The following KLF17 variants were observed in gnomAD, a reference collection of about 807,000 sequenced individuals.
The protein encoded by KLF17 is KLF transcription factor 17, also known as Krueppel-like factor 17.
KLF17 carries 31 observed loss-of-function variants against 34.2 expected under a neutral mutation model. That is an observed-to-expected ratio of 0.91 (90% CI 0.68 to 1.22). The LOEUF (loss-of-function observed/expected upper bound fraction) is 1.22, where lower values mean the gene tolerates loss of function less well. Ranked by LOEUF, KLF17 falls within the 50% of genes most tolerant of loss-of-function variation. KLF17 has a pLI of 0.00. For missense variants in KLF17, 478 were observed against 505.2 expected (o/e 0.95, Z 0.52); for synonymous variants, 179 against 186.7 (o/e 0.96, Z 0.34).
the KLF17 span, among the ~76,000 whole-genome samples, chr1:44,062,715 C>CA: frequency 0.035 from 4,117 of 118,638 alleles, 67 homozygotes; most frequent in Middle Eastern, 0.054. Flanking sequence ...GAACCTGTCT[C>CA]AAAAAAAAAA....
the KLF17 span, among the ~76,000 whole-genome samples, chr1:44,105,990 C>A: frequency 6.6e-6 from 1 of 151,846 alleles, no homozygotes; most frequent in African/African-American, 2.4e-5. Context: ...ATAGTGAGAT[C>A]CCATCTCAGG....
At chr1:44,096,030 C>T in the KLF17 span, among the ~76,000 whole-genome samples, 2 of 151,904 alleles carry the variant, frequency 1.3e-5, no homozygotes, top group Non-Finnish European at 2.9e-5. Context: ...CAACCTCTGC[C>T]CCCCAGGTTC....
At chr1:44,055,055 A>G in the KLF17 span, among the ~76,000 whole-genome samples, 1 of 152,168 alleles carries the variant, frequency 6.6e-6, no homozygotes, top group African/African-American at 2.4e-5. Context: ...CTGGGATTAC[A>G]GGTATAAGCC....
chr1:44,104,214 G>C, the KLF17 span: 3 of 1,097,184 alleles, frequency 2.7e-6, no homozygotes, highest in South Asian at 1.2e-5. Flanking sequence ...CTCCATCTCT[G>C]TACGCTTATT....
chr1:44,121,156 G>A (rs528174511), intron 1 of KLF17, among the ~76,000 whole-genome samples: 1 of 152,044 alleles, frequency 6.6e-6, no homozygotes, highest in African/African-American at 2.4e-5. Context: ...TGGTGCTGTT[G>A]TCCAGGCTGG....
At chr1:44,092,656 A>G in the KLF17 span, among the ~76,000 whole-genome samples, 1,204 of 151,284 alleles carry the variant, frequency 8.0e-3, 24 homozygotes, top group African/African-American at 0.028. Context: ...TTCCTTTGAG[A>G]CAGGGTCTCA....
At chr1:44,093,259 C>G in the KLF17 span, among the ~76,000 whole-genome samples, 1 of 152,142 alleles carries the variant, frequency 6.6e-6, no homozygotes, top group Non-Finnish European at 1.5e-5. Context: ...GGGGAAAATA[C>G]ACATGTGGGC....
intron 1 of KLF17, among the ~76,000 whole-genome samples, chr1:44,124,494 A>ACT (rs1156551487): frequency 1.3e-5 from 1 of 76,978 alleles, no homozygotes; most frequent in African/African-American, 7.9e-5. Flanking sequence ...ACACTTGGCT[A>ACT]ATTTTTTTTT....
the KLF17 span, among the ~76,000 whole-genome samples, chr1:44,089,580 G>C: frequency 6.6e-6 from 1 of 152,164 alleles, no homozygotes; most frequent in African/African-American, 2.4e-5. Context: ...TGGGCAACAA[G>C]TTCTTCCTTG....
the KLF17 span, among the ~76,000 whole-genome samples, chr1:44,049,133 CTCACTGTGTCT>C: frequency 1.3e-5 from 2 of 152,200 alleles, no homozygotes; most frequent in African/African-American, 4.8e-5. Context: ...TGACTGCCTT[CTCACTGTGTCT>C]TCACAGTGTA....
chr1:44,050,492 G>A, the KLF17 span, among the ~76,000 whole-genome samples: 1 of 152,206 alleles, frequency 6.6e-6, no homozygotes, highest in Admixed American at 6.5e-5. Context: ...TAATTTGCAT[G>A]TACTTAAAAG....
At chr1:44,068,329 C>G in the KLF17 span, among the ~76,000 whole-genome samples, 1 of 152,060 alleles carries the variant, frequency 6.6e-6, no homozygotes, top group Non-Finnish European at 1.5e-5. Context: ...CTTTCATCAG[C>G]GTCTCATTCC....
In KLF17 at chr1:44,119,419, C is replaced by A. The variant is rs555370135; in HGVS notation, c.81+431C>A. Among the ~76,000 whole-genome samples, 590 of 136,380 alleles carry A rather than the reference C, an allele frequency of 4.3e-3. 3 individuals are homozygous for A. The highest frequency in any genetic ancestry group is 0.025 in the East Asian group (120 of 4,852). The allele number at this position is 136,380 out of a possible 152,430, so 89.5% of individuals were successfully genotyped here. On this transcript the variant is annotated intron_variant, in intron 1 of 3. Coordinates refer to ENST00000372299, the MANE Select transcript of KLF17 (RefSeq NM_173484.4). Reference sequence around the variant, plus strand: ...GAAACAACAGGAAAAAAAAAAAAAACCCCAAAAATGTTAATTGGAGCCCTA... The same window carrying A: ...GAAACAACAGGAAAAAAAAAAAAAAACCCAAAAATGTTAATTGGAGCCCTA...
the KLF17 span, among the ~76,000 whole-genome samples, chr1:44,111,127 C>T: frequency 6.6e-6 from 1 of 151,066 alleles, no homozygotes; most frequent in Non-Finnish European, 1.5e-5. Flanking sequence ...GCTGGGACCA[C>T]AGTGCACACC....
At chr1:44,084,459 C>T in the KLF17 span, among the ~76,000 whole-genome samples, 2 of 151,886 alleles carry the variant, frequency 1.3e-5, no homozygotes, top group Non-Finnish European at 2.9e-5. Context: ...GGGAGGATTG[C>T]TTGAGCTCAG....
the KLF17 span, among the ~76,000 whole-genome samples, chr1:44,087,704 G>T: frequency 7.8e-6 from 1 of 128,668 alleles, no homozygotes; most frequent in African/African-American, 2.9e-5. Context: ...AGAGCTCTCT[G>T]GTGCCTCTTC....
the KLF17 span, chr1:44,110,680 G>A: frequency 6.6e-6 from 1 of 152,154 alleles, no homozygotes; most frequent in Non-Finnish European, 1.5e-5. Context: ...GACAACGAGA[G>A]CGAAACTCCA....
At chr1:44,077,474 A>G in the KLF17 span, among the ~76,000 whole-genome samples, 1 of 152,196 alleles carries the variant, frequency 6.6e-6, no homozygotes, top group South Asian at 2.1e-4. Flanking sequence ...CGTGAATTCT[A>G]TGGTTCATTA....
At chr1:44,066,465 A>G in the KLF17 span, among the ~76,000 whole-genome samples, 2 of 150,246 alleles carry the variant, frequency 1.3e-5, no homozygotes, top group Non-Finnish European at 3.0e-5. Context: ...GGCTCAAGCA[A>G]TCCTCCCACC....
Sources: allele counts gnomAD v4.1 joint callset (sites outside exome capture counted in the v4.1 genomes callset), GRCh38; gene constraint gnomAD v4.1.1; transcripts MANE v1.5; gene names NCBI Gene and HGNC (gene_info 2026-07-23, HGNC 2026-07-21).